LIMS1: variants seen among roughly 807,000 people sequenced by gnomAD.
LIMS1 encodes LIM zinc finger domain containing 1, also known as LIM and senescent cell antigen-like-containing domain protein 1.
LIMS1 carries 18 observed loss-of-function variants against 44.1 expected under a neutral mutation model. That is an observed-to-expected ratio of 0.41 (90% CI 0.28 to 0.61). The LOEUF (loss-of-function observed/expected upper bound fraction) is 0.61. Among genes scored for constraint, LIMS1 ranks in the 20% least tolerant of loss-of-function variants. The probability of loss-of-function intolerance (pLI) is 0.32; values close to 1 mark genes in which losing one functional copy is unlikely to be tolerated. For missense variants in LIMS1, 201 were observed against 422.0 expected (o/e 0.48, Z 4.59); for synonymous variants, 93 against 149.1 (o/e 0.62, Z 2.74).
At chr2:108,687,169 T>C (rs1693357001) in exon 10 of LIMS1, 1 of 152,234 alleles carries the variant, frequency 6.6e-6, no homozygotes, top group Non-Finnish European at 1.5e-5. Context: ...GATACTATAT[T>C]GGTAATTATG....
At chr2:108,610,721 A>G (rs187855932) in intron 1 of LIMS1, among the ~76,000 whole-genome samples, 2 of 152,348 alleles carry the variant, frequency 1.3e-5, no homozygotes, top group Admixed American at 6.5e-5. Context: ...ATAGTTTAAT[A>G]ATACATTTGA....
chr2:108,597,741 G>A (rs552352026), intron 1 of LIMS1, among the ~76,000 whole-genome samples: 1 of 144,616 alleles, frequency 6.9e-6, no homozygotes, highest in East Asian at 2.1e-4. Context: ...TGCCCAGGCT[G>A]GAGTGCAGTG....
chr2:108,643,664 A>G (rs1689862697), intron 1 of LIMS1, among the ~76,000 whole-genome samples: 1 of 139,604 alleles, frequency 7.2e-6, no homozygotes, highest in Non-Finnish European at 1.6e-5. Flanking sequence ...CCAACAAGAC[A>G]GAAACATTCA....
intron 1 of LIMS1, among the ~76,000 whole-genome samples, chr2:108,606,331 G>T (rs997041169): frequency 1.3e-5 from 2 of 152,194 alleles, no homozygotes; most frequent in Non-Finnish European, 2.9e-5. Flanking sequence ...GAAGCTGAAG[G>T]TCAGACTTTA....
chr2:108,621,314 A>C, intron 1 of LIMS1: 1 of 1,549,394 alleles, frequency 6.5e-7, no homozygotes, highest in Non-Finnish European at 8.7e-7. Context: ...TGCTGAGCAT[A>C]AATGCTTTAA....
chr2:108,536,098 T>C (rs1020954548), intron 1 of LIMS1, among the ~76,000 whole-genome samples: 1 of 152,244 alleles, frequency 6.6e-6, no homozygotes, highest in African/African-American at 2.4e-5. Context: ...TGTAGTGTAA[T>C]AAAGGAGATA....
At chr2:108,564,760 A>G (rs1310035115) in intron 1 of LIMS1, among the ~76,000 whole-genome samples, 7 of 152,094 alleles carry the variant, frequency 4.6e-5, no homozygotes. Context: ...AGATTGCTGC[A>G]GCTATGTTGT....
chr2:108,631,122 T>A (rs906060797), intron 1 of LIMS1, among the ~76,000 whole-genome samples: 2 of 152,142 alleles, frequency 1.3e-5, no homozygotes, highest in Admixed American at 1.3e-4. Context: ...AAGAATGGGG[T>A]AGACTAGCCT....
chr2:108,677,571 C>A, intron 7 of LIMS1: 1 of 202,856 alleles, frequency 4.9e-6, no homozygotes, highest in Non-Finnish European at 9.8e-6. Flanking sequence ...GCCCTAGATT[C>A]AGCACCCCTT....
At chr2:108,601,861 T>C (rs1687034914) in intron 1 of LIMS1, among the ~76,000 whole-genome samples, 2 of 152,248 alleles carry the variant, frequency 1.3e-5, no homozygotes, top group Admixed American at 6.5e-5. Flanking sequence ...ATTGGTATTT[T>C]GATAAGGATT....
intron 1 of LIMS1, among the ~76,000 whole-genome samples, chr2:108,563,316 C>G (rs116654555): frequency 0.026 from 3,921 of 152,272 alleles, 126 homozygotes; most frequent in South Asian, 0.14. Flanking sequence ...ATGGTGATTC[C>G]TCTAATGGAT....
At chr2:108,611,891 C>T (rs1010232852) in intron 1 of LIMS1, among the ~76,000 whole-genome samples, 1 of 96,956 alleles carries the variant, frequency 1.0e-5, no homozygotes, top group Non-Finnish European at 2.2e-5. Flanking sequence ...AAAATATATA[C>T]ACACATATAT....
Position 108,558,367 on chromosome 2 carries a change from G to A in LIMS1, c.32+23773G>A, listed in dbSNP as rs368673085. On this transcript the variant is annotated intron_variant, in intron 1 of 9. Transcript: ENST00000544547. Reference sequence around the variant, plus strand: ...CAAGTAGCTGGGACTACAGGTGCCTGCCACCATGCCTGGCTAATTTTTTAG... The same window carrying A: ...CAAGTAGCTGGGACTACAGGTGCCTACCACCATGCCTGGCTAATTTTTTAG... Among the ~76,000 whole-genome samples the A allele has an allele frequency of 3.9e-5, 6 of 152,070 alleles. No individual in the cohort carries two copies. The East Asian group carries it at 9.7e-4, about 25-fold the overall frequency.
chr2:108,575,978 C>A (rs1685658378), intron 1 of LIMS1, among the ~76,000 whole-genome samples: 1 of 152,100 alleles, frequency 6.6e-6, no homozygotes, highest in Non-Finnish European at 1.5e-5. Context: ...CACCTGGGGC[C>A]AGGATTTGAA....
At chr2:108,636,683 G>C (rs1247806332) in intron 1 of LIMS1, among the ~76,000 whole-genome samples, 1 of 152,178 alleles carries the variant, frequency 6.6e-6, no homozygotes, top group East Asian at 1.9e-4. Flanking sequence ...ATATATTATT[G>C]CTAGATGTAT....
At chr2:108,577,894 ATGTTTTGTTT>A (rs535542054) in intron 1 of LIMS1, among the ~76,000 whole-genome samples, 3 of 151,912 alleles carry the variant, frequency 2.0e-5, no homozygotes, top group African/African-American at 4.8e-5. Context: ...CTGAGATTGT[ATGTTTTGTTT>A]TGTTTTGTTT....
At position 108,534,599 on chromosome 2, in the gene LIMS1, G is replaced by C. The variant is rs1366764523; in HGVS notation, c.32+5G>C. On this transcript the variant is annotated splice_donor_5th_base_variant and intron_variant, in intron 1 of 9. Coordinates refer to ENST00000544547, the Ensembl canonical transcript of LIMS1. ...GGCGGCCGGGATGACCCACAGGTAC[G>C]GGCCGCACCGCGCGGCCCCCGCCAC... 2.6e-6 allele frequency: 3 copies of C among 1,139,988 alleles called. No individual in the cohort carries two copies. The highest frequency in any genetic ancestry group is 4.4e-5 in the East Asian group (1 of 22,876). 70.6% of individuals were successfully genotyped at this position (1,139,988 alleles called of 1,614,324 possible).
chr2:108,588,511 T>G lies in LIMS1; in HGVS notation c.32+53917T>G, dbSNP rs1573382346. 5 of 985,226 alleles carry G rather than the reference T, an allele frequency of 5.1e-6. No homozygotes were observed. In the Admixed American group the frequency reaches 3.1e-4, roughly 61 times the overall value. 61.0% of individuals were successfully genotyped at this position (985,226 alleles called of 1,614,324 possible). ...GGAGCTGGAGGTGGCTCAGGTAGAG[T>G]GCGTAGGTTTGCAGAACTGGGCCTG... On this transcript the variant is annotated intron_variant, in intron 1 of 9. Transcript: ENST00000544547.
chr2:108,539,187 G>A (rs1684236490), intron 1 of LIMS1, among the ~76,000 whole-genome samples: 1 of 152,182 alleles, frequency 6.6e-6, no homozygotes, highest in African/African-American at 2.4e-5. Context: ...GGGGTCAGGT[G>A]ATCCTTTCAC....
Sources: allele counts gnomAD v4.1 joint callset (sites outside exome capture counted in the v4.1 genomes callset), GRCh38; gene constraint gnomAD v4.1.1; transcripts MANE v1.5; gene names NCBI Gene and HGNC (gene_info 2026-07-23, HGNC 2026-07-21).